Variants in CCDC7 observed in about 807,000 individuals in gnomAD.
The protein encoded by CCDC7 is coiled-coil domain containing 7, also known as coiled-coil domain-containing protein 7.
CCDC7 carries 183 observed loss-of-function variants against 196.9 expected under a neutral mutation model. The observed-to-expected ratio is 0.93, with a 90% CI of 0.82 to 1.05. CCDC7 has a LOEUF of 1.05. Ranked by LOEUF, CCDC7 falls within the 50% of genes least tolerant of loss-of-function variation. The pLI, the probability that CCDC7 is intolerant of heterozygous loss-of-function variation, is 0.00. For synonymous variants in CCDC7, 525 were observed against 484.6 expected (o/e 1.08, Z -1.10); for missense variants, 1,540 against 1,482.2 (o/e 1.04, Z -0.64).
At chr10:32,640,106 C>G (rs1398259164) in intron 20 of CCDC7, among the ~76,000 whole-genome samples, 5 of 152,138 alleles carry the variant, frequency 3.3e-5, no homozygotes, top group African/African-American at 1.2e-4. Context: ...TGTTAACTTT[C>G]TGTCTCGTCG....
At chr10:32,476,343 TA>T (rs1182339829) in intron 8 of CCDC7, among the ~76,000 whole-genome samples, 1 of 150,322 alleles carries the variant, frequency 6.7e-6, no homozygotes, top group Non-Finnish European at 1.5e-5. Flanking sequence ...AATGTACAGT[TA>T]AAGTTCCTCT....
chr10:32,585,064 G>C (rs1258555882), intron 18 of CCDC7, among the ~76,000 whole-genome samples: 1 of 151,020 alleles, frequency 6.6e-6, no homozygotes, highest in African/African-American at 2.4e-5. Context: ...TTATTGCATT[G>C]ACCTAAACTT....
chr10:32,720,418 G>T (rs1339534605), intron 25 of CCDC7, among the ~76,000 whole-genome samples: 5 of 151,800 alleles, frequency 3.3e-5, no homozygotes, highest in Admixed American at 1.3e-4. Context: ...ACTGGGGCCT[G>T]TTGGGGGGTA....
At chr10:32,723,466 T>G (rs1292268033) in intron 25 of CCDC7, among the ~76,000 whole-genome samples, 1 of 152,086 alleles carries the variant, frequency 6.6e-6, no homozygotes, top group Non-Finnish European at 1.5e-5. Context: ...ACCACCGGGG[T>G]GGCTAACAGG....
At chr10:32,526,473 C>CA in intron 11 of CCDC7, among the ~76,000 whole-genome samples, 1 of 152,110 alleles carries the variant, frequency 6.6e-6, no homozygotes, top group South Asian at 2.1e-4. Context: ...CTTATTTTCT[C>CA]AAACAGAAGG....
At chr10:32,486,332 T>C (rs964576287) in intron 8 of CCDC7, among the ~76,000 whole-genome samples, 1 of 151,728 alleles carries the variant, frequency 6.6e-6, no homozygotes, top group Non-Finnish European at 1.5e-5. Context: ...CTGCCTTTTT[T>C]TGTTTTGCAT....
intron 24 of CCDC7, among the ~76,000 whole-genome samples, 191 bp from the exon 26 acceptor site, chr10:32,711,426 AAAT>A (rs1172026732): frequency 1.3e-5 from 2 of 152,180 alleles, no homozygotes; most frequent in Non-Finnish European, 2.9e-5. Context: ...AATATTTATG[AAAT>A]AATAATACAT....
chr10:32,732,575 A>C (rs896243089), intron 28 of CCDC7, among the ~76,000 whole-genome samples: 1 of 151,966 alleles, frequency 6.6e-6, no homozygotes, highest in African/African-American at 2.4e-5. Context: ...TTTTTGTTCT[A>C]TGTTTCTAAA....
At chr10:32,611,719 T>C (rs2062160092) in intron 18 of CCDC7, among the ~76,000 whole-genome samples, 1 of 152,188 alleles carries the variant, frequency 6.6e-6, no homozygotes, top group African/African-American at 2.4e-5. Context: ...TTGTCAAAGA[T>C]TGGATGGTTT....
chr10:32,866,140 TA>T (rs1469585852), intron 41 of CCDC7, among the ~76,000 whole-genome samples: 2 of 151,750 alleles, frequency 1.3e-5, no homozygotes, highest in African/African-American at 4.8e-5. Context: ...ATGGCTGACA[TA>T]AATAGAAAAT....
intron 29 of CCDC7, among the ~76,000 whole-genome samples, chr10:32,781,170 T>C (rs2081005579): frequency 6.6e-6 from 1 of 152,086 alleles, no homozygotes; most frequent in Non-Finnish European, 1.5e-5. Context: ...CTAATTAAAA[T>C]TTTCCAACAA....
At chr10:32,498,375 A>G (rs1282228110) in intron 9 of CCDC7, among the ~76,000 whole-genome samples, 3 of 152,016 alleles carry the variant, frequency 2.0e-5, no homozygotes, top group Non-Finnish European at 2.9e-5. Context: ...CATTTAGCTA[A>G]TTTACATTTA....
intron 28 of CCDC7, among the ~76,000 whole-genome samples, chr10:32,759,196 C>A (rs1275306947): frequency 6.6e-6 from 1 of 152,116 alleles, no homozygotes; most frequent in East Asian, 1.9e-4. Flanking sequence ...TCAATGCCAT[C>A]CCCATCAAGC....
intron 11 of CCDC7, among the ~76,000 whole-genome samples, chr10:32,536,381 C>A (rs1255442647): frequency 6.6e-6 from 1 of 152,122 alleles, no homozygotes; most frequent in Non-Finnish European, 1.5e-5. Context: ...CATTTCCATG[C>A]CACCTTTCCC....
intron 12 of CCDC7, among the ~76,000 whole-genome samples, chr10:32,543,976 T>C (rs2051971298): frequency 6.6e-6 from 1 of 152,058 alleles, no homozygotes; most frequent in Admixed American, 6.5e-5. Context: ...CTTTGACCTT[T>C]AACAAAAAAT....
chr10:32,573,473 G>A (rs966966492), intron 16 of CCDC7, among the ~76,000 whole-genome samples: 1 of 152,172 alleles, frequency 6.6e-6, no homozygotes, highest in South Asian at 2.1e-4. Context: ...TGGTAAGGCA[G>A]TTTCAGTTAC....
chr10:32,710,728 C>G (rs1020151734), intron 24 of CCDC7, among the ~76,000 whole-genome samples: 4 of 152,130 alleles, frequency 2.6e-5, no homozygotes, highest in Admixed American at 6.5e-5. Flanking sequence ...CCACAAATGC[C>G]CTGGGGATCT....
At chr10:32,534,368 C>T (rs566072206) in intron 11 of CCDC7, among the ~76,000 whole-genome samples, 8 of 151,962 alleles carry the variant, frequency 5.3e-5, no homozygotes, top group South Asian at 4.2e-4. Flanking sequence ...ATTCTTGTTC[C>T]GAGAACTCAT....
intron 29 of CCDC7, among the ~76,000 whole-genome samples, chr10:32,789,665 G>C (rs2134582057): frequency 6.6e-6 from 1 of 152,242 alleles, no homozygotes; most frequent in East Asian, 1.9e-4. Context: ...GCAGTGTTCA[G>C]AGGTGGAGCC....
Sources: gnomAD v4.1 joint callset for allele counts (sites outside exome capture counted in the v4.1 genomes callset) on GRCh38, gnomAD v4.1.1 for gene constraint, MANE v1.5 for transcripts, NCBI Gene and HGNC (gene_info 2026-07-23, HGNC 2026-07-21) for gene names.